VIPAS39: variants seen among roughly 807,000 people sequenced by gnomAD.
The protein encoded by VIPAS39 is VPS33B interacting protein, apical-basolateral polarity regulator, spe-39 homolog.
In VIPAS39, 63 loss-of-function variants were observed where a neutral mutation model predicts 84.7. The ratio of observed to expected loss-of-function variants is 0.74; its 90% CI spans 0.61 to 0.92. VIPAS39 has a LOEUF of 0.92. Among genes scored for constraint, VIPAS39 ranks in the 40% least tolerant of loss-of-function variants. The probability of loss-of-function intolerance (pLI) is 0.00; values close to 1 mark genes in which losing one functional copy is unlikely to be tolerated. For synonymous variants in VIPAS39, 192 were observed against 216.5 expected, an observed-to-expected ratio of 0.89 and a Z score of 0.99; for missense variants, 499 against 604.5, an observed-to-expected ratio of 0.83 and a Z score of 1.83.
At chr14:77,456,684 CT>C (rs1702133236) in intron 1 of VIPAS39, among the ~76,000 whole-genome samples, 1 of 152,230 alleles carries the variant, frequency 6.6e-6, no homozygotes, top group Non-Finnish European at 1.5e-5. Context: ...CATTCCTTCA[CT>C]ATAGTAATTA....
intron 1 of VIPAS39, chr14:77,457,222 A>T: frequency 6.6e-7 from 1 of 1,524,054 alleles, no homozygotes. Context: ...GAAGCCATGG[A>T]TCTACCGCAG....
intron 2 of VIPAS39, 136 bp downstream of exon 2, chr14:77,453,874 T>G: frequency 1.2e-6 from 1 of 825,158 alleles, no homozygotes; most frequent in Non-Finnish European, 2.0e-6. Flanking sequence ...GTGAGCTGGA[T>G]TTTACAATCC....
Position 77,428,484 on chromosome 14 carries a change from A to C in VIPAS39, c.1357-10T>G. The C allele has an allele frequency of 6.2e-7, 1 of 1,613,118 alleles. No individual in the cohort carries two copies. The highest frequency in any genetic ancestry group is 1.7e-5 in the Admixed American group (1 of 59,980). ...TCAGGTCCCGGTAGGTCTGTGCATC[A>C]AAACAAACAATACAAACCTCCAATC... On this transcript the variant is annotated splice_polypyrimidine_tract_variant and intron_variant, in intron 18 of 19. Coordinates refer to ENST00000557658, the MANE Select transcript of VIPAS39 (RefSeq NM_001193315.2).
chr14:77,427,768 G>A (rs2078453121), intron 19 of VIPAS39, 132 bp from the exon 20 acceptor site: 1 of 1,204,790 alleles, frequency 8.3e-7, no homozygotes, highest in African/African-American at 1.5e-5. Context: ...CAGATCAGGA[G>A]GTGGGGGATG....
Position 77,454,048 on chromosome 14 carries a change from C to T in VIPAS39, c.55G>A (p.Ala19Thr). The change falls in exon 2 of 20, where the codon GCT becomes ACT. Residue 19 changes from alanine (A) to threonine (T), a missense_variant. Transcript: ENST00000557658. ...EEYWNSSKFK[A>T]FTFDDEDDEL... ...TCGTCTTCATCGTCAAAGGTAAAAG[C>T]CTTGAACTTGGAGCTGTTCCAATAC... is the stretch of plus-strand genomic sequence containing the variant. The T allele has an allele frequency of 1.9e-6, 3 of 1,614,180 alleles. No individual in the cohort carries two copies. The highest frequency in any genetic ancestry group is 2.5e-6 in the Non-Finnish European group (3 of 1,180,032).
intron 1 of VIPAS39, 184 bp downstream of exon 1, chr14:77,457,311 T>TGC: frequency 6.5e-7 from 1 of 1,535,652 alleles, no homozygotes; most frequent in South Asian, 1.2e-5. Context: ...CAATCGCTGG[T>TGC]GCTCACTCGC....
chr14:77,434,389 A>G, intron 14 of VIPAS39, 86 bp from the exon 15 acceptor site: 1 of 1,211,502 alleles, frequency 8.3e-7, no homozygotes, highest in South Asian at 1.2e-5. Flanking sequence ...CACTACAGAG[A>G]CTTTCTACAT....
intron 16 of VIPAS39, among the ~76,000 whole-genome samples, chr14:77,431,085 A>G (rs141455464): frequency 6.6e-6 from 1 of 152,224 alleles, no homozygotes; most frequent in South Asian, 2.1e-4. Context: ...CATAAAACTC[A>G]TAGAAGAAAA....
At chr14:77,436,769 G>C (rs1231425306) in intron 12 of VIPAS39, among the ~76,000 whole-genome samples, 1 of 152,120 alleles carries the variant, frequency 6.6e-6, no homozygotes, top group Non-Finnish European at 1.5e-5. Flanking sequence ...TGAAGATGCT[G>C]AGGGACAGCG....
intron 18 of VIPAS39, among the ~76,000 whole-genome samples, chr14:77,428,763 C>T (rs1482733119): frequency 6.6e-6 from 1 of 152,178 alleles, no homozygotes; most frequent in Non-Finnish European, 1.5e-5. Context: ...GCTTGTATAG[C>T]TTGATTTAGT....
At chr14:77,432,876 T>C (rs2078545339) in intron 16 of VIPAS39, among the ~76,000 whole-genome samples, 1 of 152,116 alleles carries the variant, frequency 6.6e-6, no homozygotes, top group Admixed American at 6.5e-5. Flanking sequence ...AGAGAGTGAA[T>C]TTTAGGGGTT....
rs1489665859 is a variant in VIPAS39 at position 77,426,911 on chromosome 14, T to A, written c.*705A>T. ...GAGAGAGCTCTCCAGCACTGCTGCA[T>A]CTGAGCTTCTTATAAAGTGACGGGT... On this transcript the variant is annotated 3_prime_UTR_variant, in exon 20 of 20. Transcript: ENST00000557658. 6.6e-6 allele frequency: 1 copy of A among 152,246 alleles called. No individual in the cohort carries two copies. Among genetic ancestry groups the A allele is most frequent in the African/African-American group, 2.4e-5 (1 of 41,446 alleles). The allele number at this position is 152,246 out of a possible 1,614,324, so 9.4% of individuals were successfully genotyped here. A position where few individuals can be genotyped will look rare whatever the true frequency, so the allele number is the denominator to read the frequency against.
intron 19 of VIPAS39, among the ~76,000 whole-genome samples, chr14:77,427,957 C>T (rs759405399): frequency 3.3e-5 from 5 of 152,152 alleles, no homozygotes; most frequent in Non-Finnish European, 5.9e-5. Context: ...CTGTGAGAGA[C>T]GAACCAGCTG....
rs147201254 is a variant in VIPAS39 at position 77,443,511 on chromosome 14, G to A, written c.598-359C>T. ...TGCCCATAATTCCAACACTTTGGGA[G>A]GCTAAGGCAGGGAGATTACTTGAGC... On this transcript the variant is annotated intron_variant, in intron 8 of 19. Coordinates refer to ENST00000557658, the MANE Select transcript of VIPAS39 (RefSeq NM_001193315.2). Among the ~76,000 whole-genome samples, 1,059 of 152,284 alleles carry A rather than the reference G, an allele frequency of 7.0e-3. 19 individuals are homozygous for A. The highest frequency in any genetic ancestry group is 0.037 in the South Asian group (176 of 4,818).
At position 77,429,714 on chromosome 14, in the gene VIPAS39, G is replaced by T; in HGVS notation, c.1233C>A (p.Val411=). 6.2e-7 allele frequency: 1 copy of T among 1,614,124 alleles called. No individual in the cohort carries two copies. Among genetic ancestry groups the T allele is most frequent in the South Asian group, 1.1e-5 (1 of 91,078 alleles). The part of the protein sequence containing the change: ...KRAPIGFHRV[V]EILHKNNAPV... ...GGGCATTGTTCTTGTGCAAAATTTC[G>T]ACAACCCGATGGAAGCCAATGGGTG... The change falls in exon 17 of 20, where the codon GTC becomes GTA. Residue 411 remains valine, a synonymous_variant. Coordinates refer to ENST00000557658, the MANE Select transcript of VIPAS39 (RefSeq NM_001193315.2).
rs1566738258 is a variant in VIPAS39, at chr14:77,451,053, CCCAG to C, written c.343+130_343+133del. On this transcript the variant is annotated intron_variant, in intron 4 of 19. Coordinates refer to ENST00000557658, the MANE Select transcript of VIPAS39 (RefSeq NM_001193315.2). Reference sequence around the variant, plus strand: ...TCTCTCATTTATCTCGCTCCTAACACCCAGCTGCCACCTCCAATGAGAATGCTTT... The same window carrying C: ...TCTCTCATTTATCTCGCTCCTAACACCTGCCACCTCCAATGAGAATGCTTT... The C allele has an allele frequency of 2.2e-6, 3 of 1,339,942 alleles. No individual in the cohort carries two copies. The East Asian group carries it at 6.9e-5, about 31-fold the overall frequency. 83.0% of individuals were successfully genotyped at this position (1,339,942 alleles called of 1,614,324 possible). A position where few individuals can be genotyped will look rare whatever the true frequency, so the allele number is the denominator to read the frequency against.
At position 77,449,331 on chromosome 14, in the gene VIPAS39, A is replaced by G; in HGVS notation, c.409T>C (p.Tyr137His). ...TTGGGTCTCCCCAGCTCTGGAGCAT[A>G]GCTTTTGGCAGGTGTGTCTGACAGA... is the stretch of plus-strand genomic sequence containing the variant. The part of the protein sequence containing the change: ...DALSDTPAKS[Y>H]APELGRPKGE... The change falls in exon 6 of 20, where the codon TAT becomes CAT. Residue 137 changes from tyrosine (Y) to histidine (H), a missense_variant. Physicochemically the swap from Tyr to His is moderately conservative, Grantham distance 83 (BLOSUM62 2). Coordinates refer to ENST00000557658, the MANE Select transcript of VIPAS39 (RefSeq NM_001193315.2). 1 of 1,614,204 alleles carries G rather than the reference A, an allele frequency of 6.2e-7. No individual in the cohort carries two copies. The highest frequency in any genetic ancestry group is 8.5e-7 in the Non-Finnish European group (1 of 1,180,036).
chr14:77,440,710 G>A lies in VIPAS39; in HGVS notation c.762+356C>T, dbSNP rs1332316854. Among the ~76,000 whole-genome samples, 3 of 152,038 alleles carry A rather than the reference G, an allele frequency of 2.0e-5. No individual in the cohort carries two copies. In the East Asian group the frequency reaches 5.8e-4, roughly 29 times the overall value. ...AATCAGTCTGGGATCTTGGAGGCGG[G>A]GGTTTGGCTTAGATTTCTGGGTTCG... On this transcript the variant is annotated intron_variant, in intron 11 of 19. Coordinates refer to ENST00000557658, the MANE Select transcript of VIPAS39 (RefSeq NM_001193315.2).
intron 11 of VIPAS39, among the ~76,000 whole-genome samples, chr14:77,439,091 G>A (rs912620387): frequency 5.3e-5 from 8 of 152,068 alleles, no homozygotes; most frequent in African/African-American, 1.7e-4. Flanking sequence ...AGTTCTACAT[G>A]GGAAACCTTC....
Sources: allele counts gnomAD v4.1 joint callset (sites outside exome capture counted in the v4.1 genomes callset), GRCh38; gene constraint gnomAD v4.1.1; transcripts MANE v1.5; gene names NCBI Gene and HGNC (gene_info 2026-07-23, HGNC 2026-07-21).